The following KLHDC10 variants were observed in gnomAD, a reference collection of about 807,000 sequenced individuals.
KLHDC10 encodes the protein kelch domain-containing protein 10.
KLHDC10 carries 24 observed loss-of-function variants against 56.1 expected under a neutral mutation model. The observed-to-expected ratio is 0.43, with a 90% CI of 0.31 to 0.60. The LOEUF is 0.60. KLHDC10 is among the 20% of genes least tolerant of loss of function. KLHDC10 has a pLI of 0.11. For missense variants in KLHDC10, 349 were observed against 567.0 expected, an observed-to-expected ratio of 0.62 and a Z score of 3.91; for synonymous variants, 188 against 207.1, an observed-to-expected ratio of 0.91 and a Z score of 0.79.
intron 2 of KLHDC10, among the ~76,000 whole-genome samples, chr7:130,110,310 A>T (rs956858194): frequency 6.6e-6 from 1 of 152,260 alleles, no homozygotes; most frequent in South Asian, 2.1e-4. Flanking sequence ...TCTAAAATTC[A>T]TTGCAAAAGT....
At chr7:130,126,379 A>T (rs548565455) in intron 7 of KLHDC10, among the ~76,000 whole-genome samples, 2 of 152,090 alleles carry the variant, frequency 1.3e-5, no homozygotes, top group African/African-American at 4.8e-5. Flanking sequence ...TAGCCCAATT[A>T]TAATTTTTCC....
chr7:130,075,355 T>C (rs1050081908), intron 1 of KLHDC10, among the ~76,000 whole-genome samples: 1 of 152,204 alleles, frequency 6.6e-6, no homozygotes, highest in Non-Finnish European at 1.5e-5. Flanking sequence ...AATAATACTG[T>C]AGTCTTAACT....
chr7:130,110,681 G>A (rs1796088000), intron 2 of KLHDC10, among the ~76,000 whole-genome samples: 1 of 152,064 alleles, frequency 6.6e-6, no homozygotes, highest in Non-Finnish European at 1.5e-5. Flanking sequence ...TGTCTTTTGT[G>A]GTAGAGGTAA....
chr7:130,130,337 C>CATATATAT lies in KLHDC10; in HGVS notation c.1120-190_1120-183dup, dbSNP rs72380761. On this transcript the variant is annotated intron_variant, in intron 9 of 9. Coordinates refer to ENST00000335420, the MANE Select transcript of KLHDC10 (RefSeq NM_014997.4). The surrounding 1 kb of genome is among the most constrained non-coding windows in gnomAD (Gnocchi z 4.2). The stretch of plus-strand genomic sequence containing the variant: ...ACTCTGTCTCAAAAAAAAAAAAAAT[C>CATATATAT]ATATATATATATATATAGTTTTTCC... Among the ~76,000 whole-genome samples, 16 of 140,862 alleles carry CATATATAT rather than the reference C, an allele frequency of 1.1e-4. No individual in the cohort carries two copies. Among genetic ancestry groups the CATATATAT allele is most frequent in the African/African-American group, 3.0e-4 (11 of 36,982 alleles). The allele number at this position is 140,862 out of a possible 152,430, so 92.4% of individuals were successfully genotyped here.
intron 3 of KLHDC10, among the ~76,000 whole-genome samples, chr7:130,119,217 A>AT (rs56336090): frequency 0.36 from 53,590 of 150,646 alleles, 10,343 homozygotes; most frequent in East Asian, 0.43. Context: ...CAAAAAAAAA[A>AT]AAATAAATAA....
At chr7:130,084,223 C>T (rs1426577290) in intron 1 of KLHDC10, among the ~76,000 whole-genome samples, 1 of 152,138 alleles carries the variant, frequency 6.6e-6, no homozygotes, top group East Asian at 1.9e-4. Context: ...TAATTTTAAG[C>T]ACAGGAGTGA....
intron 1 of KLHDC10, among the ~76,000 whole-genome samples, chr7:130,073,633 C>T (rs1795455353): frequency 6.6e-6 from 1 of 152,160 alleles, no homozygotes; most frequent in Admixed American, 6.6e-5. Context: ...TCTACCAAGA[C>T]TTCCAGTTAC....
intron 1 of KLHDC10, 82 bp downstream of exon 1, chr7:130,070,891 C>T: frequency 9.2e-7 from 1 of 1,083,632 alleles, no homozygotes; most frequent in South Asian, 4.0e-5. Flanking sequence ...GCTTGCTTTT[C>T]CTTGGGAGGA....
intron 1 of KLHDC10, among the ~76,000 whole-genome samples, chr7:130,077,293 G>T (rs899286269): frequency 1.6e-5 from 2 of 126,608 alleles, no homozygotes; most frequent in Non-Finnish European, 3.1e-5. Flanking sequence ...GGCAGAGGTT[G>T]CAGTGAGCCA....
At position 130,116,380 on chromosome 7, in the gene KLHDC10, C is replaced by T; in HGVS notation, c.254-65C>T. 3 of 1,234,248 alleles carry T rather than the reference C, an allele frequency of 2.4e-6. No homozygotes were observed. Among genetic ancestry groups the T allele is most frequent in the South Asian group, 2.6e-5 (2 of 77,560 alleles). The allele number at this position is 1,234,248 out of a possible 1,614,324, so 76.5% of individuals were successfully genotyped here. A position where few individuals can be genotyped will look rare whatever the true frequency, so the allele number is the denominator to read the frequency against. ...CCTTTTATGGCTAAAATGGTTGTTACCTAATTTTGTTTGTGCTTTTAAACT... is the reference window on the plus strand; with the variant it reads ...CCTTTTATGGCTAAAATGGTTGTTATCTAATTTTGTTTGTGCTTTTAAACT... On this transcript the variant is annotated intron_variant, in intron 2 of 9. Transcript: ENST00000335420. The surrounding 1 kb of genome is among the most constrained non-coding windows in gnomAD (Gnocchi z 4.8).
intron 6 of KLHDC10, 52 bp downstream of exon 6, chr7:130,124,587 C>A: frequency 2.2e-6 from 2 of 900,280 alleles, no homozygotes; most frequent in Non-Finnish European, 3.6e-6. Context: ...TAGAAGGAGG[C>A]TTGCGTCAAC....
chr7:130,117,492 C>T (rs988725372), intron 3 of KLHDC10: 10 of 169,232 alleles, frequency 5.9e-5, no homozygotes, highest in African/African-American at 2.2e-4. Context: ...AAGTGATATT[C>T]TAAATCCTTT....
chr7:130,113,064 T>G (rs1430570184), intron 2 of KLHDC10, among the ~76,000 whole-genome samples: 1 of 152,222 alleles, frequency 6.6e-6, no homozygotes, highest in Non-Finnish European at 1.5e-5. Flanking sequence ...CAACATACAA[T>G]CAATATGAAA....
intron 2 of KLHDC10, among the ~76,000 whole-genome samples, chr7:130,097,843 T>C (rs1795870083): frequency 6.6e-6 from 1 of 152,206 alleles, no homozygotes; most frequent in African/African-American, 2.4e-5. Flanking sequence ...CCTTCTACTT[T>C]TTATTTTTTC....
At position 130,129,541 on chromosome 7, in the gene KLHDC10, G is replaced by C; in HGVS notation, c.1084G>C (p.Glu362Gln). The C allele has an allele frequency of 6.2e-7, 1 of 1,614,144 alleles. No homozygotes were observed. Among genetic ancestry groups the C allele is most frequent in the Non-Finnish European group, 8.5e-7 (1 of 1,180,012 alleles). The change falls in exon 9 of 10, where the codon GAG (glutamate) becomes CAG (glutamine). Residue 362 changes from glutamate to glutamine, a missense_variant. By Grantham distance (29) the Glu-to-Gln change is conservative. This residue lies in a region of KLHDC10 where 245 missense variants were observed against 470.1 expected (regional missense o/e 0.52). Coordinates refer to ENST00000335420, the MANE Select transcript of KLHDC10 (RefSeq NM_014997.4). ...GGTGAAGCTCCCAGCTACCATGCCAGAGCCAGTTTATTTTCACTGTGCAGC... is the reference window on the plus strand; with the variant it reads ...GGTGAAGCTCCCAGCTACCATGCCACAGCCAGTTTATTTTCACTGTGCAGC... ...QWVKLPATMP[E>Q]PVYFHCAAVT...
intron 1 of KLHDC10, among the ~76,000 whole-genome samples, chr7:130,094,544 T>C (rs1010821657): frequency 6.6e-6 from 1 of 152,202 alleles, no homozygotes; most frequent in African/African-American, 2.4e-5. Flanking sequence ...CATCCAAAGA[T>C]AACTACAGTC....
chr7:130,110,824 A>G (rs2116893250), intron 2 of KLHDC10, among the ~76,000 whole-genome samples: 1 of 152,342 alleles, frequency 6.6e-6, no homozygotes, highest in African/African-American at 2.4e-5. Flanking sequence ...AATGTTCATT[A>G]GCACATCTGT....
intron 1 of KLHDC10, among the ~76,000 whole-genome samples, chr7:130,084,554 A>G (rs1348284720): frequency 6.6e-6 from 1 of 152,062 alleles, no homozygotes; most frequent in African/African-American, 2.4e-5. Context: ...AAGGTGGGTG[A>G]ATCACTTGAG....
intron 1 of KLHDC10, among the ~76,000 whole-genome samples, chr7:130,083,375 T>C (rs1257988252): frequency 6.6e-6 from 1 of 152,198 alleles, no homozygotes; most frequent in Non-Finnish European, 1.5e-5. Flanking sequence ...TCTACCTCTT[T>C]ACCCTCCGCA....
Sources: gnomAD v4.1 joint callset for allele counts (sites outside exome capture counted in the v4.1 genomes callset) on GRCh38, gnomAD v4.1.1 for gene constraint, gnomAD v4.1.1 regional missense constraint, Gnocchi (gnomAD v3.1) non-coding constraint, MANE v1.5 for transcripts, NCBI Gene and HGNC (gene_info 2026-07-23, HGNC 2026-07-21) for gene names.